CYFIP1: variants seen among roughly 807,000 people sequenced by gnomAD.
The protein encoded by CYFIP1 is cytoplasmic FMR1 interacting protein 1, also known as cytoplasmic FMR1-interacting protein 1.
Under a neutral mutation model 163.5 loss-of-function variants are expected in CYFIP1, and 58 were observed. The observed-to-expected ratio is 0.35, with a 90% CI of 0.29 to 0.44. CYFIP1 has a LOEUF of 0.44. CYFIP1 is among the 20% of genes least tolerant of loss of function. CYFIP1 has a pLI of 1.00. For synonymous variants in CYFIP1, 663 were observed against 660.7 expected (o/e 1.00, Z -0.05); for missense variants, 1,338 against 1,653.8 (o/e 0.81, Z 3.31).
rs190497400 is a variant in CYFIP1, at chr15:22,902,785, C to T, written c.2588+921G>A. Among the ~76,000 whole-genome samples the T allele has an allele frequency of 1.2e-4, 18 of 152,270 alleles. No individual in the cohort carries two copies. The East Asian group carries it at 3.5e-3, about 30-fold the overall frequency. On this transcript the variant is annotated intron_variant, in intron 22 of 30. Coordinates refer to ENST00000617928, the MANE Select transcript of CYFIP1 (RefSeq NM_014608.6). Reference sequence around the variant, plus strand: ...GTGATGCAACACACCTGGGCCTGACCCACGGCCCCACAGGAAACGCGGTCC... The same window carrying T: ...GTGATGCAACACACCTGGGCCTGACTCACGGCCCCACAGGAAACGCGGTCC...
In CYFIP1 at chr15:22,943,162, T is replaced by C. The variant is rs2305093; in HGVS notation, c.569+11A>G. The C allele has an allele frequency of 0.75, 1,216,218 of 1,612,094 alleles. 461,458 individuals are homozygous for C. Among genetic ancestry groups the C allele is most frequent in the African/African-American group, 0.92 (69,332 of 75,000 alleles). ...TCGGGAGGGCCCGCAGTGCGCGAGGTGGGTGCTCACCTCTTGTACGCTGAG... is the reference window on the plus strand; with the variant it reads ...TCGGGAGGGCCCGCAGTGCGCGAGGCGGGTGCTCACCTCTTGTACGCTGAG... On this transcript the variant is annotated intron_variant, in intron 6 of 30. Coordinates refer to ENST00000617928, the MANE Select transcript of CYFIP1 (RefSeq NM_014608.6).
intron 12 of CYFIP1, among the ~76,000 whole-genome samples, chr15:22,927,251 G>A (rs865777522): frequency 2.6e-5 from 4 of 151,904 alleles, no homozygotes; most frequent in African/African-American, 4.8e-5. Flanking sequence ...AGACTGAGGC[G>A]GGTAGTTCAC....
At chr15:22,916,938 G>A (rs973220814) in intron 15 of CYFIP1, 19 of 1,551,588 alleles carry the variant, frequency 1.2e-5, no homozygotes, top group East Asian at 1.2e-4. Flanking sequence ...CGTGTTAACC[G>A]CATGCAAGAG....
intron 1 of CYFIP1, among the ~76,000 whole-genome samples, chr15:22,947,718 C>T (rs1440908042): frequency 6.6e-6 from 1 of 152,170 alleles, no homozygotes; most frequent in Non-Finnish European, 1.5e-5. Context: ...GCAGCCACCT[C>T]CCAGGTGGTG....
intron 1 of CYFIP1, among the ~76,000 whole-genome samples, chr15:22,949,357 A>G (rs1423293032): frequency 6.6e-6 from 1 of 152,130 alleles, no homozygotes; most frequent in Non-Finnish European, 1.5e-5. Flanking sequence ...TCCTCCCTCA[A>G]GATGGGAACG....
At chr15:22,951,604 G>C in intron 1 of CYFIP1, 5 of 1,254,622 alleles carry the variant, frequency 4.0e-6, no homozygotes, top group Non-Finnish European at 5.2e-6. Context: ...TGCCAGGAGA[G>C]GCCTGGGGGC....
chr15:22,954,954 G>C (rs1371696098), intron 1 of CYFIP1, among the ~76,000 whole-genome samples: 1 of 152,190 alleles, frequency 6.6e-6, no homozygotes. Flanking sequence ...AGTTTACAGA[G>C]TGAGCAACAT....
intron 1 of CYFIP1, among the ~76,000 whole-genome samples, chr15:22,954,317 T>A (rs941090558): frequency 1.3e-5 from 2 of 152,144 alleles, no homozygotes; most frequent in African/African-American, 4.8e-5. Context: ...TCTGTGGTGT[T>A]TTGTTAATGG....
chr15:22,870,262 C>G (rs769297590), intron 30 of CYFIP1, 70 bp from the exon 31 acceptor site: 158 of 1,483,242 alleles, frequency 1.1e-4, no homozygotes, highest in Middle Eastern at 1.7e-4. Context: ...TTCAAAATGT[C>G]AGGATTCTTA....
chr15:22,890,168 C>T (rs918952353), intron 23 of CYFIP1, among the ~76,000 whole-genome samples: 1 of 151,468 alleles, frequency 6.6e-6, no homozygotes, highest in Non-Finnish European at 1.5e-5. Context: ...AAAAATTGTC[C>T]GGGCATGGTG....
chr15:22,972,838 T>C (rs552026655), intron 1 of CYFIP1, among the ~76,000 whole-genome samples: 5 of 151,964 alleles, frequency 3.3e-5, no homozygotes, highest in Non-Finnish European at 7.4e-5. Flanking sequence ...AAACCTTATT[T>C]CTACAAAAAA....
rs75589288 is a variant in CYFIP1 at position 22,948,242 on chromosome 15, G to A, written c.-6-951C>T. On this transcript the variant is annotated intron_variant, in intron 1 of 30. Coordinates refer to ENST00000617928, the MANE Select transcript of CYFIP1 (RefSeq NM_014608.6). ...AGGAAGCAGCTCAGAAGAGCCAGCCGACAAAATTGCTCATGAGCTTCAAGC... is the reference window on the plus strand; with the variant it reads ...AGGAAGCAGCTCAGAAGAGCCAGCCAACAAAATTGCTCATGAGCTTCAAGC... Among the ~76,000 whole-genome samples the A allele has an allele frequency of 6.9e-3, 1,049 of 152,216 alleles. 15 individuals are homozygous for A. The highest frequency in any genetic ancestry group is 0.024 in the African/African-American group (998 of 41,532).
intron 10 of CYFIP1, among the ~76,000 whole-genome samples, chr15:22,932,879 G>C (rs1286595010): frequency 1.3e-5 from 2 of 152,078 alleles, no homozygotes; most frequent in African/African-American, 2.4e-5. Flanking sequence ...GCCCAGGCTG[G>C]ACTGCAGTGG....
chr15:22,947,187 T>C lies in CYFIP1; in HGVS notation c.99A>G (p.Pro33=). 6.2e-7 allele frequency: 1 copy of C among 1,614,088 alleles called. No individual in the cohort carries two copies. Among genetic ancestry groups the C allele is most frequent in the Non-Finnish European group, 8.5e-7 (1 of 1,179,978 alleles). Residue 33 remains proline, a synonymous_variant, in exon 2 of 31, where the codon CCA becomes CCG. Coordinates refer to ENST00000617928, the MANE Select transcript of CYFIP1 (RefSeq NM_014608.6). ...PDQQPCIEPP[P]SSLLYQPNFN... is the part of the protein sequence containing the mutation. ...CACCCACCTGGTAGAGCAGCGAGGA[T>C]GGCGGGGGCTCGATGCAGGGCTGCT...
chr15:22,977,508 T>G (rs2063319153), intron 1 of CYFIP1, among the ~76,000 whole-genome samples: 1 of 152,156 alleles, frequency 6.6e-6, no homozygotes. Context: ...GAGAATAGCT[T>G]GGACATGTTA....
At chr15:22,880,957 A>G (rs769359852) in intron 25 of CYFIP1, among the ~76,000 whole-genome samples, 43 of 152,140 alleles carry the variant, frequency 2.8e-4, no homozygotes, top group Admixed American at 9.8e-4. Flanking sequence ...TAGTCACGAC[A>G]TAAGCATTGG....
chr15:22,933,893 G>T lies in CYFIP1; in HGVS notation c.901C>A (p.Gln301Lys). 6.2e-7 allele frequency: 1 copy of T among 1,606,766 alleles called. No individual in the cohort carries two copies. Among genetic ancestry groups the T allele is most frequent in the Non-Finnish European group, 8.5e-7 (1 of 1,175,996 alleles). The change falls in exon 10 of 31, where the codon CAA becomes AAA. Residue 301 changes from glutamine to lysine, a missense_variant and splice_region_variant. By Grantham distance (53) the Gln-to-Lys change is moderately conservative. Coordinates refer to ENST00000617928, the MANE Select transcript of CYFIP1 (RefSeq NM_014608.6). ...NLSKIDKYFK[Q>K]LQVVPLFGDM... ...CCAAATAGCGGAACCACCTGGAGTTGCTGTATTCAAAGAACAAAAAAATAG... is the reference window on the plus strand; with the variant it reads ...CCAAATAGCGGAACCACCTGGAGTTTCTGTATTCAAAGAACAAAAAAATAG...
intron 1 of CYFIP1, among the ~76,000 whole-genome samples, chr15:22,979,562 G>GC (rs1168957449): frequency 6.6e-6 from 1 of 152,160 alleles, no homozygotes; most frequent in Non-Finnish European, 1.5e-5. Flanking sequence ...CCGTCCAGAC[G>GC]CCCCTCTCAG....
At chr15:22,880,218 C>T (rs2059714773) in intron 25 of CYFIP1, among the ~76,000 whole-genome samples, 175 bp from the exon 26 acceptor site, 3 of 152,204 alleles carry the variant, frequency 2.0e-5, no homozygotes, top group African/African-American at 7.2e-5. Context: ...TATTCGCCAC[C>T]TGGGCACGTT....
Sources: allele counts gnomAD v4.1 joint callset (sites outside exome capture counted in the v4.1 genomes callset), GRCh38; gene constraint gnomAD v4.1.1; transcripts MANE v1.5; gene names NCBI Gene and HGNC (gene_info 2026-07-23, HGNC 2026-07-21).